Variants in FHDC1 observed in about 807,000 individuals in gnomAD.
The protein encoded by FHDC1 is FH2 domain containing 1.
Under a neutral mutation model 52.6 loss-of-function variants are expected in FHDC1, and 25 were observed. The observed-to-expected ratio is 0.48, with a 90% CI of 0.35 to 0.66. The LOEUF (loss-of-function observed/expected upper bound fraction) is 0.66. Among genes scored for constraint, FHDC1 ranks in the 30% least tolerant of loss-of-function variants. FHDC1 has a pLI of 0.01. For missense variants in FHDC1, 1,459 were observed against 1,452.8 expected, an observed-to-expected ratio of 1.00 and a Z score of -0.07; for synonymous variants, 616 against 581.5, an observed-to-expected ratio of 1.06 and a Z score of -0.85.
At chr4:152,973,168 G>C (rs1363643462) in intron 11 of FHDC1, among the ~76,000 whole-genome samples, 1 of 152,184 alleles carries the variant, frequency 6.6e-6, no homozygotes. Flanking sequence ...AAACTCTCTG[G>C]GTTGCTTGGC....
rs568237447 is a variant in FHDC1 at position 152,942,860 on chromosome 4, T to G, written c.-130-68T>G. ...TCATATGGGAGGATTGATACTAGCC[T>G]CTGAAGGGAAATGCTGATGCGAAAC... On this transcript the variant is annotated intron_variant, in intron 1 of 11. Coordinates refer to ENST00000511601, the MANE Select transcript of FHDC1 (RefSeq NM_001371116.1). 2.4e-4 allele frequency: 143 copies of G among 593,786 alleles called. No homozygotes were observed. The African/African-American group carries it at 2.5e-3, about 10-fold the overall frequency. The allele number at this position is 593,786 out of a possible 1,614,324, so 36.8% of individuals were successfully genotyped here. A position where few individuals can be genotyped will look rare whatever the true frequency, so the allele number is the denominator to read the frequency against.
chr4:152,970,183 A>AT (rs1201486384), intron 10 of FHDC1, among the ~76,000 whole-genome samples: 1 of 152,134 alleles, frequency 6.6e-6, no homozygotes, highest in Non-Finnish European at 1.5e-5. Context: ...ACAGGAACAC[A>AT]TTTTTGCAGA....
intron 11 of FHDC1, among the ~76,000 whole-genome samples, 168 bp from the exon 12 acceptor site, chr4:152,974,503 TACAC>T (rs141811778): frequency 2.0e-5 from 3 of 151,556 alleles, no homozygotes; most frequent in Non-Finnish European, 4.4e-5. Flanking sequence ...CACACATGCG[TACAC>T]ACACACACAT....
chr4:152,950,384 C>T (rs996603194), intron 2 of FHDC1, among the ~76,000 whole-genome samples: 7 of 152,236 alleles, frequency 4.6e-5, no homozygotes, highest in Middle Eastern at 3.4e-3. Flanking sequence ...CTGAGGATGC[C>T]GGGAGCGAGT....
chr4:152,914,451 T>C, the FHDC1 span, among the ~76,000 whole-genome samples: 1 of 152,158 alleles, frequency 6.6e-6, no homozygotes. Context: ...ACTAGAAATA[T>C]GAGGGAATTA....
At chr4:152,913,867 G>C in the FHDC1 span, among the ~76,000 whole-genome samples, 2 of 141,248 alleles carry the variant, frequency 1.4e-5, no homozygotes, top group Non-Finnish European at 3.1e-5. Context: ...TTTAGTTAGA[G>C]ACAGAGTTTC....
chr4:152,940,122 A>T (rs1311048519), intron 1 of FHDC1, among the ~76,000 whole-genome samples: 2 of 152,240 alleles, frequency 1.3e-5, no homozygotes, highest in Non-Finnish European at 2.9e-5. Context: ...GGAAAGGGTT[A>T]GAATTCTGTC....
chr4:152,953,676 G>T (rs576399116), intron 3 of FHDC1, 116 bp downstream of exon 3: 4 of 864,264 alleles, frequency 4.6e-6, no homozygotes, highest in Non-Finnish European at 5.6e-6. Context: ...CTTCTTAGAC[G>T]CATGGCTTGA....
At chr4:152,961,348 C>T (rs531194049) in intron 6 of FHDC1, among the ~76,000 whole-genome samples, 9 of 152,238 alleles carry the variant, frequency 5.9e-5, no homozygotes, top group African/African-American at 1.4e-4. Context: ...TCTGTGGTGT[C>T]GTCTCCCACT....
the FHDC1 span, among the ~76,000 whole-genome samples, chr4:152,926,160 AACAGATTC>A: frequency 3.0e-4 from 45 of 152,084 alleles, no homozygotes; most frequent in South Asian, 8.9e-3. Context: ...CAAATGAAAA[AACAGATTC>A]AGTCCACTGA....
At chr4:152,923,069 A>G in the FHDC1 span, among the ~76,000 whole-genome samples, 1 of 151,722 alleles carries the variant, frequency 6.6e-6, no homozygotes, top group East Asian at 1.9e-4. Flanking sequence ...AGTCAAATTG[A>G]CCCTGTTTGC....
intron 1 of FHDC1, 58 bp from the exon 2 acceptor site, chr4:152,942,870 A>C: frequency 3.2e-6 from 2 of 616,360 alleles, no homozygotes; most frequent in Non-Finnish European, 5.5e-6. Flanking sequence ...TCTGAAGGGA[A>C]ATGCTGATGC....
chr4:152,933,949 A>C (rs1739300005), upstream of FHDC1, among the ~76,000 whole-genome samples: 1 of 152,128 alleles, frequency 6.6e-6, no homozygotes, highest in African/African-American at 2.4e-5. Flanking sequence ...CAGACTTTTA[A>C]AAACAGTGAC....
intron 2 of FHDC1, among the ~76,000 whole-genome samples, chr4:152,947,980 A>G (rs1561204238): frequency 6.6e-6 from 1 of 152,216 alleles, no homozygotes. Context: ...ATATGCTCAC[A>G]GTCCAGAACT....
rs148535022 is a variant in FHDC1, at chr4:152,972,439, C to T, written c.1281C>T (p.Tyr427=). 38 of 1,613,814 alleles carry T rather than the reference C, an allele frequency of 2.4e-5. No homozygotes were observed. The highest frequency in any genetic ancestry group is 1.3e-4 in the African/African-American group (10 of 74,898). The part of the protein sequence containing the change: ...CWKQELQDEA[Y]TLIDFFCEDK... ...AACAAGAGCTCCAGGATGAGGCCTA[C>T]ACCCTTATAGATTTTTTCTGTGAAG... The change falls in exon 11 of 12, where the codon TAC becomes TAT. Residue 427 remains tyrosine, a synonymous_variant. Coordinates refer to ENST00000511601, the MANE Select transcript of FHDC1 (RefSeq NM_001371116.1).
In FHDC1 at chr4:152,976,191, C is replaced by G; in HGVS notation, c.2900C>G (p.Thr967Ser). The change falls in exon 12 of 12, where the codon ACC becomes AGC. Residue 967 changes from threonine to serine, a missense_variant. Transcript: ENST00000511601. ...CGGGGGAGCAGCGGCTCCAGCAGCA[C>G]CCGTCCGGGGAGGGACGTTCCCCTG... is the stretch of plus-strand genomic sequence containing the variant. Reference protein sequence around the residue: ...LPRGSSGSSSTRPGRDVPLQP... With the variant: ...LPRGSSGSSSSRPGRDVPLQP... 1.2e-6 allele frequency: 2 copies of G among 1,612,594 alleles called. No individual in the cohort carries two copies. Among genetic ancestry groups the G allele is most frequent in the Admixed American group, 3.3e-5 (2 of 59,996 alleles).
chr4:152,969,678 T>C (rs1740578344), intron 10 of FHDC1, among the ~76,000 whole-genome samples: 1 of 150,528 alleles, frequency 6.6e-6, no homozygotes, highest in Admixed American at 6.6e-5. Context: ...TTTTTTTTTT[T>C]TTTTTTCCCG....
chr4:152,949,124 TAAGAAGAAGAAG>T (rs201070214), intron 2 of FHDC1, among the ~76,000 whole-genome samples: 795 of 74,644 alleles, frequency 0.011, 10 homozygotes, highest in African/African-American at 0.033. Context: ...ATAATAATAA[TAAGAAGAAGAAG>T]AAGAAGAAGA....
the FHDC1 span, among the ~76,000 whole-genome samples, chr4:152,913,669 A>C: frequency 6.6e-6 from 1 of 151,424 alleles, no homozygotes; most frequent in Admixed American, 6.6e-5. Context: ...ATCTTTGATC[A>C]CTCATTTATT....
Sources: allele counts gnomAD v4.1 joint callset (sites outside exome capture counted in the v4.1 genomes callset), GRCh38; gene constraint gnomAD v4.1.1; transcripts MANE v1.5; gene names NCBI Gene and HGNC (gene_info 2026-07-23, HGNC 2026-07-21).